The following PRDM15 variants were observed in gnomAD, a reference collection of about 807,000 sequenced individuals.
PRDM15 encodes PR/SET domain 15, also known as PR domain zinc finger protein 15.
PRDM15 carries 64 observed loss-of-function variants against 128.6 expected under a neutral mutation model. The observed-to-expected ratio is 0.50, with a 90% CI of 0.41 to 0.61. The LOEUF (loss-of-function observed/expected upper bound fraction) is 0.61. Among genes scored for constraint, PRDM15 ranks in the 20% least tolerant of loss-of-function variants. PRDM15 has a pLI of 0.00. For missense variants in PRDM15, 1,242 were observed against 1,569.1 expected, an observed-to-expected ratio of 0.79 and a Z score of 3.52; for synonymous variants, 615 against 621.8, an observed-to-expected ratio of 0.99 and a Z score of 0.16.
At chr21:41,847,058 T>C in intron 6 of PRDM15, 32 bp downstream of exon 6, 1 of 1,419,554 alleles carries the variant, frequency 7.0e-7, no homozygotes, top group Non-Finnish European at 9.7e-7. Flanking sequence ...ACAGGAGTTT[T>C]ACAACTGGGG....
In PRDM15 at chr21:41,815,761, C is replaced by A; in HGVS notation, c.2336G>T (p.Cys779Phe). 6.2e-7 allele frequency: 1 copy of A among 1,614,110 alleles called. No individual in the cohort carries two copies. Among genetic ancestry groups the A allele is most frequent in the Non-Finnish European group, 8.5e-7 (1 of 1,179,970 alleles). Reference protein sequence around the residue: ...KGIKEYECKECHRRFAQKVNM... With the variant: ...KGIKEYECKEFHRRFAQKVNM... ...GACCTTCTGCGCGAACCTGCGGTGG[C>A]ACTCCTTGCACTCGTACTCCTTGAT... The change falls in exon 19 of 24, where the codon TGC (cysteine) becomes TTC (phenylalanine). Residue 779 changes from cysteine (C) to phenylalanine (F), a missense_variant. This residue lies in a region of PRDM15 where 602 missense variants were observed against 788.3 expected (regional missense o/e 0.76). Transcript: ENST00000398548.
At chr21:41,872,743 T>C (rs35109371) in intron 1 of PRDM15, among the ~76,000 whole-genome samples, 69,742 of 152,062 alleles carry the variant, frequency 0.46, 17,151 homozygotes, top group Middle Eastern at 0.58. Flanking sequence ...GGTCGGGGGA[T>C]GGTGAGGGCC....
chr21:41,863,656 C>T (rs928788997), intron 1 of PRDM15, among the ~76,000 whole-genome samples: 8 of 152,182 alleles, frequency 5.3e-5, no homozygotes, highest in Admixed American at 1.3e-4. Context: ...TTACACGGAA[C>T]GCTCCGTGAA....
chr21:41,878,635 C>G (rs2146088421), intron 1 of PRDM15: 1 of 1,071,010 alleles, frequency 9.3e-7, no homozygotes, highest in Non-Finnish European at 1.3e-6. Context: ...TCGCTACCTT[C>G]TCTCTGCCAC....
rs148259909 is a variant in PRDM15, at chr21:41,821,958, T to C, written c.1841A>G (p.Asn614Ser). 10 of 1,614,224 alleles carry C rather than the reference T, an allele frequency of 6.2e-6. No homozygotes were observed. The highest frequency in any genetic ancestry group is 1.6e-4 in the Middle Eastern group (1 of 6,062). The change falls in exon 15 of 24, where the codon AAT becomes AGT. Residue 614 changes from asparagine (N) to serine (S), a missense_variant. By Grantham distance (46) the Asn-to-Ser change is conservative (BLOSUM62 1). Transcript: ENST00000398548. The surrounding 1 kb of genome is among the most constrained non-coding windows in gnomAD (Gnocchi z 5.4). ...CTCCGAGTCTGCGCTCTCGTCAGAA[T>C]TGTCATCGTTTTCTTCCGAGGAGAT... Reference protein sequence around the residue: ...IGISSEENDDNSDESADSEPH... With the variant: ...IGISSEENDDSSDESADSEPH...
At chr21:41,839,023 T>C (rs2062985748) in intron 7 of PRDM15, among the ~76,000 whole-genome samples, 1 of 152,136 alleles carries the variant, frequency 6.6e-6, no homozygotes, top group South Asian at 2.1e-4. Context: ...GGGGGCTGTG[T>C]GAGGACCACA....
In PRDM15 at chr21:41,836,453, G is replaced by A. The variant is rs1171481307; in HGVS notation, c.1183+15C>T. On this transcript the variant is annotated intron_variant, in intron 9 of 23. Transcript: ENST00000398548. Reference sequence around the variant, plus strand: ...GGCCCTGGCCCCGGGCGCCAGCCGGGCCTCGCGGACTCACCATGCGAGCGC... The same window carrying A: ...GGCCCTGGCCCCGGGCGCCAGCCGGACCTCGCGGACTCACCATGCGAGCGC... 1 of 1,600,078 alleles carries A rather than the reference G, an allele frequency of 6.2e-7. No individual in the cohort carries two copies. Among genetic ancestry groups the A allele is most frequent in the Non-Finnish European group, 8.5e-7 (1 of 1,170,692 alleles).
In PRDM15 at chr21:41,802,697, A is replaced by G. The variant is rs753466373; in HGVS notation, c.2943+15T>C. On this transcript the variant is annotated intron_variant, in intron 23 of 23. Transcript: ENST00000398548. ...GTGACCGGCACCTAATCAGAACATA[A>G]AGCAGCAAACTGACCTGCTGAATGC... is the stretch of plus-strand genomic sequence containing the variant. 2 of 1,611,280 alleles carry G rather than the reference A, an allele frequency of 1.2e-6. No individual in the cohort carries two copies. Among genetic ancestry groups the G allele is most frequent in the Non-Finnish European group, 1.7e-6 (2 of 1,177,556 alleles).
At chr21:41,878,177 G>C (rs1216851737) in intron 1 of PRDM15, among the ~76,000 whole-genome samples, 3 of 152,240 alleles carry the variant, frequency 2.0e-5, no homozygotes, top group Admixed American at 2.0e-4. Context: ...CAGGAACCAA[G>C]CTAGGTTCTC....
At position 41,861,540 on chromosome 21, in the gene PRDM15, C is replaced by G. The variant is rs368129124; in HGVS notation, c.-9-1168G>C. On this transcript the variant is annotated intron_variant, in intron 1 of 23. Coordinates refer to ENST00000398548, the MANE Select transcript of PRDM15 (RefSeq NM_001040424.3). ...AAATGATTATTCCTCCTCTGCCCCC[C>G]CCCAATCCCCAACTGTGCGCACCGG... The G allele has an allele frequency of 3.0e-5, 47 of 1,563,916 alleles. No individual in the cohort carries two copies. In the African/African-American group the frequency reaches 3.1e-4, roughly 10 times the overall value.
intron 19 of PRDM15, chr21:41,814,971 G>T (rs186483418): frequency 1.4e-5 from 2 of 146,862 alleles, no homozygotes; most frequent in Admixed American, 6.8e-5. Flanking sequence ...TTATGAGAAC[G>T]ACTTGTGTTA....
At chr21:41,875,746 C>T (rs2064390543) in intron 1 of PRDM15, among the ~76,000 whole-genome samples, 1 of 152,186 alleles carries the variant, frequency 6.6e-6, no homozygotes, top group South Asian at 2.1e-4. Context: ...CCTACTGTAA[C>T]TTTTTGCAAC....
chr21:41,846,493 C>G (rs2063268714), intron 6 of PRDM15, among the ~76,000 whole-genome samples: 1 of 152,220 alleles, frequency 6.6e-6, no homozygotes, highest in African/African-American at 2.4e-5. Flanking sequence ...CGCTTGAGCC[C>G]AGCAGTCTGA....
intron 13 of PRDM15, 65 bp from the exon 14 acceptor site, chr21:41,823,514 C>T: frequency 6.6e-7 from 1 of 1,510,852 alleles, no homozygotes; most frequent in South Asian, 1.2e-5. Flanking sequence ...GCCTCTCCAT[C>T]AGGCTCCTCT....
intron 22 of PRDM15, chr21:41,803,200 G>A (rs1049524815): frequency 1.1e-5 from 5 of 470,040 alleles, no homozygotes; most frequent in Admixed American, 6.9e-5. Flanking sequence ...GAAACTTAAC[G>A]TTTTAAGCCA....
chr21:41,819,809 G>C, intron 17 of PRDM15, 108 bp from the exon 18 acceptor site: 1 of 1,409,184 alleles, frequency 7.1e-7, no homozygotes, highest in Non-Finnish European at 9.6e-7. Flanking sequence ...AGCTAGAAGC[G>C]CAGTAACAGG....
intron 1 of PRDM15, chr21:41,867,307 GT>G: frequency 6.2e-7 from 1 of 1,612,812 alleles, no homozygotes; most frequent in Non-Finnish European, 8.5e-7. Context: ...GACCTCCTCC[GT>G]TCGCAATCTT....
intron 3 of PRDM15, among the ~76,000 whole-genome samples, chr21:41,857,868 T>C (rs2063685270): frequency 6.6e-6 from 1 of 152,226 alleles, no homozygotes; most frequent in South Asian, 2.1e-4. Flanking sequence ...CATAATCTTG[T>C]GGCCTTAGCT....
intron 1 of PRDM15, among the ~76,000 whole-genome samples, chr21:41,860,687 C>T (rs975137992): frequency 1.3e-5 from 2 of 152,218 alleles, no homozygotes; most frequent in Non-Finnish European, 2.9e-5. Flanking sequence ...TCTGAAAGTG[C>T]TGGGATTACA....
Sources: allele counts gnomAD v4.1 joint callset (sites outside exome capture counted in the v4.1 genomes callset), GRCh38; gene constraint gnomAD v4.1.1; regional missense constraint gnomAD v4.1.1; non-coding constraint Gnocchi (gnomAD v3.1); transcripts MANE v1.5; gene names NCBI Gene and HGNC (gene_info 2026-07-23, HGNC 2026-07-21).